Variants in GRAMD2B observed in about 807,000 individuals in gnomAD.
GRAMD2B encodes the protein GRAM domain-containing protein 2B.
A neutral mutation model predicts 59.2 loss-of-function variants in GRAMD2B; 41 were observed. That is an observed-to-expected ratio of 0.69 (90% CI 0.54 to 0.90). The LOEUF (loss-of-function observed/expected upper bound fraction) is 0.90. GRAMD2B is among the 40% of genes least tolerant of loss of function. The pLI is 0.00. For missense variants in GRAMD2B, 424 were observed against 500.5 expected, an observed-to-expected ratio of 0.85 and a Z score of 1.46; for synonymous variants, 161 against 182.7, an observed-to-expected ratio of 0.88 and a Z score of 0.96.
intron 8 of GRAMD2B, among the ~76,000 whole-genome samples, chr5:126,481,741 G>T (rs995864251): frequency 1.3e-5 from 2 of 152,140 alleles, no homozygotes; most frequent in Admixed American, 6.5e-5. Flanking sequence ...GCCGAGGCGG[G>T]TGGATCACAA....
At chr5:126,485,028 T>A (rs1006601861) in intron 10 of GRAMD2B, among the ~76,000 whole-genome samples, 2 of 152,206 alleles carry the variant, frequency 1.3e-5, no homozygotes, top group African/African-American at 4.8e-5. Flanking sequence ...CAAAAGTGAA[T>A]AGCCTTCATG....
At chr5:126,422,212 T>TTC (rs1421270087), upstream of GRAMD2B, among the ~76,000 whole-genome samples, 3 of 151,862 alleles carry the variant, frequency 2.0e-5, no homozygotes, top group Non-Finnish European at 4.4e-5. Flanking sequence ...TTTTTTTTTT[T>TTC]TTTGAGACAG....
At chr5:126,461,436 A>G (rs937033570) in intron 1 of GRAMD2B, among the ~76,000 whole-genome samples, 3 of 152,206 alleles carry the variant, frequency 2.0e-5, no homozygotes, top group African/African-American at 7.2e-5. Flanking sequence ...CTGTTTTTGT[A>G]TGTATAAATT....
intron 1 of GRAMD2B, among the ~76,000 whole-genome samples, chr5:126,393,329 T>C (rs1229739750): frequency 1.3e-5 from 2 of 152,238 alleles, no homozygotes; most frequent in Non-Finnish European, 2.9e-5. Context: ...AGATGTATTC[T>C]CATAAAAATT....
chr5:126,425,976 A>T lies in GRAMD2B; in HGVS notation c.83+2287A>T, dbSNP rs1167340131. On this transcript the variant is annotated intron_variant, in intron 1 of 13. Transcript: ENST00000285689. ...AGATTAGTGAATAATAATATGTTGTATATTTCAATATAACTAAGAGTAAAT... is the reference window on the plus strand; with the variant it reads ...AGATTAGTGAATAATAATATGTTGTTTATTTCAATATAACTAAGAGTAAAT... Among the ~76,000 whole-genome samples the T allele has an allele frequency of 2.0e-5, 3 of 152,008 alleles. No homozygotes were observed. In the East Asian group the frequency reaches 5.8e-4, roughly 29 times the overall value.
chr5:126,389,676 C>T (rs141954034), intron 1 of GRAMD2B, among the ~76,000 whole-genome samples: 1 of 152,186 alleles, frequency 6.6e-6, no homozygotes, highest in Non-Finnish European at 1.5e-5. Flanking sequence ...CGCTGGGCAC[C>T]GTGGCTCACA....
At chr5:126,440,576 A>G (rs1450028945) in intron 1 of GRAMD2B, among the ~76,000 whole-genome samples, 1 of 151,992 alleles carries the variant, frequency 6.6e-6, no homozygotes, top group Non-Finnish European at 1.5e-5. Context: ...TCCATTTCGT[A>G]ATTAAAATAA....
chr5:126,491,844 C>T (rs1391723988), intron 13 of GRAMD2B, among the ~76,000 whole-genome samples: 1 of 152,130 alleles, frequency 6.6e-6, no homozygotes, highest in Non-Finnish European at 1.5e-5. Flanking sequence ...AGCAATTCTC[C>T]TGCCTCAGCC....
chr5:126,362,939 C>T (rs934914275), intron 1 of GRAMD2B, among the ~76,000 whole-genome samples: 3 of 152,094 alleles, frequency 2.0e-5, no homozygotes, highest in East Asian at 3.8e-4. Flanking sequence ...ACACCAAAAT[C>T]GCAAGTGATA....
intron 1 of GRAMD2B, among the ~76,000 whole-genome samples, chr5:126,378,435 A>AT (rs1300281665): frequency 6.6e-6 from 1 of 152,132 alleles, no homozygotes; most frequent in Admixed American, 6.5e-5. Flanking sequence ...TCATAATTTG[A>AT]TTTTTTTCCT....
intron 1 of GRAMD2B, among the ~76,000 whole-genome samples, chr5:126,385,997 G>A (rs907174136): frequency 4.3e-4 from 66 of 152,270 alleles, no homozygotes; most frequent in African/African-American, 1.6e-3. Flanking sequence ...GAGAGGGTTG[G>A]AGGAAATGAG....
At chr5:126,413,942 A>G (rs1039352966) in intron 1 of GRAMD2B, among the ~76,000 whole-genome samples, 1 of 152,166 alleles carries the variant, frequency 6.6e-6, no homozygotes, top group African/African-American at 2.4e-5. Context: ...CCAACGTAGT[A>G]AAGTGCATAT....
intron 11 of GRAMD2B, among the ~76,000 whole-genome samples, chr5:126,485,990 T>C (rs958713130): frequency 6.6e-6 from 1 of 152,218 alleles, no homozygotes; most frequent in African/African-American, 2.4e-5. Context: ...GACTAAGTTC[T>C]GAGTGGGTAC....
At chr5:126,481,898 G>A (rs530260778) in intron 8 of GRAMD2B, among the ~76,000 whole-genome samples, 27 of 151,662 alleles carry the variant, frequency 1.8e-4, no homozygotes, top group African/African-American at 2.9e-4. Context: ...AACCTGGGAG[G>A]TGGAGGTTGC....
intron 1 of GRAMD2B, among the ~76,000 whole-genome samples, chr5:126,387,336 C>CT (rs1756247250): frequency 6.6e-6 from 1 of 151,378 alleles, no homozygotes; most frequent in Non-Finnish European, 1.5e-5. Flanking sequence ...CAAAATAAAA[C>CT]TTTTTTTCCC....
Position 126,493,247 on chromosome 5 carries a change from G to A in GRAMD2B, c.*291G>A, listed in dbSNP as rs1008952817. 2.6e-6 allele frequency: 1 copy of A among 391,894 alleles called. No homozygotes were observed. Among genetic ancestry groups the A allele is most frequent in the Non-Finnish European group, 4.7e-6 (1 of 214,666 alleles). The allele number at this position is 391,894 out of a possible 1,614,324, so 24.3% of individuals were successfully genotyped here. ...AGGGCCCAGCGAACACACTCTCTTG[G>A]ATAATTACCACGATGGCGTCAGCAA... On this transcript the variant is annotated 3_prime_UTR_variant, in exon 14 of 14. Coordinates refer to ENST00000285689, the MANE Select transcript of GRAMD2B (RefSeq NM_023927.4).
At chr5:126,424,651 C>G (rs1760272980) in intron 1 of GRAMD2B, among the ~76,000 whole-genome samples, 1 of 152,232 alleles carries the variant, frequency 6.6e-6, no homozygotes, top group African/African-American at 2.4e-5. Context: ...ATTAGAATGA[C>G]TTGCTCCTCA....
chr5:126,442,570 G>C (rs1038938511), intron 1 of GRAMD2B, among the ~76,000 whole-genome samples: 3 of 152,156 alleles, frequency 2.0e-5, no homozygotes, highest in Admixed American at 2.0e-4. Context: ...GGGATTACAG[G>C]CGTGAGCGAC....
chr5:126,442,462 T>C (rs1236015172), intron 1 of GRAMD2B, among the ~76,000 whole-genome samples: 1 of 151,970 alleles, frequency 6.6e-6, no homozygotes, highest in Non-Finnish European at 1.5e-5. Context: ...CAGCTAGTTT[T>C]TGTATTTTTA....
Sources: allele counts gnomAD v4.1 joint callset (sites outside exome capture counted in the v4.1 genomes callset), GRCh38; gene constraint gnomAD v4.1.1; transcripts MANE v1.5; gene names NCBI Gene and HGNC (gene_info 2026-07-23, HGNC 2026-07-21).